POLD3: variants seen among roughly 807,000 people sequenced by gnomAD.
POLD3 encodes the protein DNA polymerase delta subunit 3.
POLD3 carries 19 observed loss-of-function variants against 58.2 expected under a neutral mutation model. That is an observed-to-expected ratio of 0.33 (90% CI 0.23 to 0.48). The LOEUF is 0.48. Among genes scored for constraint, POLD3 ranks in the 20% least tolerant of loss-of-function variants. The probability of loss-of-function intolerance (pLI) is 0.99; values close to 1 mark genes in which losing one functional copy is unlikely to be tolerated. For synonymous variants in POLD3, 172 were observed against 193.5 expected, an observed-to-expected ratio of 0.89 and a Z score of 0.92; for missense variants, 504 against 545.5, an observed-to-expected ratio of 0.92 and a Z score of 0.76.
chr11:74,642,912 AG>A lies in POLD3; in HGVS notation c.*2147del, dbSNP rs879708394. 1.4e-4 allele frequency: 136 copies of A among 985,200 alleles called. No individual in the cohort carries two copies. The highest frequency in any genetic ancestry group is 1.6e-4 in the Non-Finnish European group (133 of 829,862). The allele number at this position is 985,200 out of a possible 1,614,324, so 61.0% of individuals were successfully genotyped here. ...TTTTTTTCAGCACTGGGGAAATGTTAGTTTCAGCCAACCTCATTTTTTAGTT... is the reference window on the plus strand; with the variant it reads ...TTTTTTTCAGCACTGGGGAAATGTTATTTCAGCCAACCTCATTTTTTAGTT... On this transcript the variant is annotated 3_prime_UTR_variant, in exon 12 of 12. Coordinates refer to ENST00000263681, the MANE Select transcript of POLD3 (RefSeq NM_006591.3).
rs563384690 is a variant in POLD3 at position 74,656,666 on chromosome 11, G to A, written c.370-12111G>A. 2.6e-5 allele frequency among the ~76,000 whole-genome samples: 4 copies of A among 151,546 alleles called. No individual in the cohort carries two copies. In the East Asian group the frequency reaches 7.7e-4, roughly 29 times the overall value. On this transcript the variant is annotated intron_variant, in intron 4 of 4. Coordinates refer to the POLD3 transcript ENST00000524752. ...AGTTTAATTTCCATGTGTTTGTATAGTTTCCAAAATTCCTCTTGTTAATGA... is the reference window on the plus strand; with the variant it reads ...AGTTTAATTTCCATGTGTTTGTATAATTTCCAAAATTCCTCTTGTTAATGA...
intron 11 of POLD3, among the ~76,000 whole-genome samples, chr11:74,639,245 C>T (rs1025871156): frequency 6.6e-6 from 1 of 152,074 alleles, no homozygotes; most frequent in Non-Finnish European, 1.5e-5. Context: ...TTTAACAAGC[C>T]CTCCAGGTGG....
chr11:74,621,623 G>A (rs1565120944), intron 7 of POLD3, among the ~76,000 whole-genome samples: 1 of 152,094 alleles, frequency 6.6e-6, no homozygotes, highest in African/African-American at 2.4e-5. Context: ...CCTGCTATGT[G>A]CATGGCATTG....
At chr11:74,627,763 G>T (rs547069803) in intron 8 of POLD3, among the ~76,000 whole-genome samples, 1 of 152,186 alleles carries the variant, frequency 6.6e-6, no homozygotes, top group South Asian at 2.1e-4. Context: ...TAACAATGAT[G>T]TACAGGTTTG....
At chr11:74,623,583 C>T (rs1018017281) in intron 7 of POLD3, among the ~76,000 whole-genome samples, 11 of 152,080 alleles carry the variant, frequency 7.2e-5, no homozygotes, top group Non-Finnish European at 1.3e-4. Flanking sequence ...ACAACTAAAA[C>T]GCTGAATGTA....
At chr11:74,596,887 G>A (rs988721096) in intron 2 of POLD3, among the ~76,000 whole-genome samples, 2 of 152,174 alleles carry the variant, frequency 1.3e-5, no homozygotes, top group Admixed American at 6.5e-5. Flanking sequence ...GCTTATTTCA[G>A]TTAACATAGT....
intron 11 of POLD3, among the ~76,000 whole-genome samples, chr11:74,640,257 A>G (rs1750752187): frequency 6.6e-6 from 1 of 152,270 alleles, no homozygotes; most frequent in Non-Finnish European, 1.5e-5. Flanking sequence ...AGCATAGGCC[A>G]GGACCCAAAT....
At chr11:74,652,416 A>G (rs1454537427) in intron 4 of POLD3, among the ~76,000 whole-genome samples, 2 of 152,216 alleles carry the variant, frequency 1.3e-5, no homozygotes, top group Non-Finnish European at 2.9e-5. Flanking sequence ...CATCATCAGT[A>G]TATGACAGTG....
chr11:74,669,282 GATT>G (rs2033310973), downstream of POLD3, among the ~76,000 whole-genome samples: 1 of 152,204 alleles, frequency 6.6e-6, no homozygotes, highest in Non-Finnish European at 1.5e-5. Flanking sequence ...AAATGTAAGG[GATT>G]ATTATAATTG....
intron 1 of POLD3, 119 bp from the exon 2 acceptor site, chr11:74,593,942 A>G: frequency 3.2e-6 from 2 of 617,598 alleles, no homozygotes; most frequent in East Asian, 2.8e-5. Context: ...AGTGGCATTT[A>G]TTGTAATTTG....
Position 74,642,977 on chromosome 11 carries a change from T to A in POLD3, c.*2211T>A. The A allele has an allele frequency of 1.0e-6, 1 of 975,676 alleles. No homozygotes were observed. Among genetic ancestry groups the A allele is most frequent in the Non-Finnish European group, 1.2e-6 (1 of 821,070 alleles). The allele number at this position is 975,676 out of a possible 1,614,324, so 60.4% of individuals were successfully genotyped here. A position where few individuals can be genotyped will look rare whatever the true frequency, so the allele number is the denominator to read the frequency against. Reference sequence around the variant, plus strand: ...ATCTAGCACATTGTATTAGTTTGGCTTCATCACTTGCTAGCTGTATGACTG... The same window carrying A: ...ATCTAGCACATTGTATTAGTTTGGCATCATCACTTGCTAGCTGTATGACTG... On this transcript the variant is annotated 3_prime_UTR_variant, in exon 12 of 12. Coordinates refer to ENST00000263681, the MANE Select transcript of POLD3 (RefSeq NM_006591.3).
Position 74,612,965 on chromosome 11 carries a change from A to G in POLD3, c.347A>G (p.Asn116Ser), listed in dbSNP as rs142882622. The G allele has an allele frequency of 9.9e-6, 16 of 1,613,858 alleles. No homozygotes were observed. The highest frequency in any genetic ancestry group is 9.3e-5 in the African/African-American group (7 of 75,048). The change falls in exon 5 of 12, where the codon AAT becomes AGT. Residue 116 changes from asparagine to serine, a missense_variant. Coordinates refer to ENST00000263681, the MANE Select transcript of POLD3 (RefSeq NM_006591.3). ...CTAAAGGACAGTGGGCCTCTGTTCA[A>G]TACTGACTATGACATCCTTAAAAGC... ...AMLKDSGPLF[N>S]TDYDILKSNL... is the part of the protein sequence containing the mutation.
intron 3 of POLD3, among the ~76,000 whole-genome samples, chr11:74,607,787 G>A (rs988773888): frequency 6.6e-6 from 1 of 151,858 alleles, no homozygotes; most frequent in African/African-American, 2.4e-5. Flanking sequence ...TTGTCCTGTT[G>A]CCCAGGCTGG....
At chr11:74,665,316 T>A (rs1050118656) in intron 4 of POLD3, among the ~76,000 whole-genome samples, 17 of 78,350 alleles carry the variant, frequency 2.2e-4, no homozygotes, top group Non-Finnish European at 5.7e-5. Context: ...AGAGCAAGAC[T>A]CTGTCTCAAA....
At chr11:74,610,868 A>G (rs1487655334) in intron 3 of POLD3, among the ~76,000 whole-genome samples, 1 of 151,784 alleles carries the variant, frequency 6.6e-6, no homozygotes, top group Non-Finnish European at 1.5e-5. Flanking sequence ...TCCGCCTCCC[A>G]GGTTCAAGTG....
At chr11:74,630,139 T>TA (rs2032548046) in intron 9 of POLD3, among the ~76,000 whole-genome samples, 1 of 152,018 alleles carries the variant, frequency 6.6e-6, no homozygotes, top group African/African-American at 2.4e-5. Flanking sequence ...CACGAACAGA[T>TA]ACTAAAAGGG....
intron 2 of POLD3, among the ~76,000 whole-genome samples, chr11:74,601,357 G>T (rs1210823851): frequency 6.6e-6 from 1 of 152,210 alleles, no homozygotes; most frequent in African/African-American, 2.4e-5. Flanking sequence ...CAAAAATCCT[G>T]ACTAGGGCAC....
chr11:74,638,687 T>C (rs975046540), intron 11 of POLD3: 1 of 455,958 alleles, frequency 2.2e-6, no homozygotes, highest in East Asian at 7.0e-5. Context: ...AGGTATGCCA[T>C]GGGAATTCTC....
intron 4 of POLD3, among the ~76,000 whole-genome samples, chr11:74,656,861 A>C (rs1315212057): frequency 6.6e-6 from 1 of 152,030 alleles, no homozygotes; most frequent in Non-Finnish European, 1.5e-5. Flanking sequence ...ATTGGATGAA[A>C]TGTTCTCTAA....
Sources: allele counts gnomAD v4.1 joint callset (sites outside exome capture counted in the v4.1 genomes callset), GRCh38; gene constraint gnomAD v4.1.1; transcripts MANE v1.5; gene names NCBI Gene and HGNC (gene_info 2026-07-23, HGNC 2026-07-21).